Variants in RBFOX1 observed in about 807,000 individuals in gnomAD.
RBFOX1 encodes the protein RNA binding protein fox-1 homolog 1.
Under a neutral mutation model 57.7 loss-of-function variants are expected in RBFOX1, and 8 were observed. The ratio of observed to expected loss-of-function variants is 0.14; its 90% CI spans 0.08 to 0.25. RBFOX1 has a LOEUF of 0.25. Among genes scored for constraint, RBFOX1 ranks in the 10% least tolerant of loss-of-function variants. The probability of loss-of-function intolerance (pLI) is 1.00; values close to 1 mark genes in which losing one functional copy is unlikely to be tolerated. For synonymous variants in RBFOX1, 326 were observed against 222.4 expected (o/e 1.47, Z -4.15); for missense variants, 611 against 548.5 (o/e 1.11, Z -1.14).
At position 7,481,733 on chromosome 16, in the gene RBFOX1, T is replaced by C. The variant is rs115181643; in HGVS notation, c.28-36414T>C. 1.0e-3 allele frequency among the ~76,000 whole-genome samples: 152 copies of C among 152,268 alleles called. 1 individual carries two copies. The highest frequency in any genetic ancestry group is 3.5e-3 in the African/African-American group (145 of 41,554). Reference sequence around the variant, plus strand: ...GACTTAGGATGGGATCATACTGCAATAAACCCATCATAAGTAGAAAACATA... The same window carrying C: ...GACTTAGGATGGGATCATACTGCAACAAACCCATCATAAGTAGAAAACATA... On this transcript the variant is annotated intron_variant, in intron 4 of 15. Transcript: ENST00000550418.
At chr16:5,834,480 C>T (rs1047871630) in intron 3 of RBFOX1, among the ~76,000 whole-genome samples, 2 of 152,126 alleles carry the variant, frequency 1.3e-5, no homozygotes, top group African/African-American at 4.8e-5. Context: ...ATATATACCA[C>T]ATTTTTCTTT....
intron 1 of RBFOX1, among the ~76,000 whole-genome samples, chr16:6,246,451 G>A (rs947517925): frequency 6.6e-6 from 1 of 152,132 alleles, no homozygotes; most frequent in Non-Finnish European, 1.5e-5. Context: ...GCCAGCTCCA[G>A]CATAAAAATT....
At chr16:5,395,808 C>T (rs929740108) in intron 1 of RBFOX1, among the ~76,000 whole-genome samples, 16 of 152,216 alleles carry the variant, frequency 1.1e-4, no homozygotes, top group Non-Finnish European at 1.9e-4. Context: ...GTGGAGTATG[C>T]GGCCATTTGG....
chr16:7,128,592 T>A (rs1450201035), intron 4 of RBFOX1, among the ~76,000 whole-genome samples: 1 of 152,156 alleles, frequency 6.6e-6, no homozygotes, highest in Non-Finnish European at 1.5e-5. Context: ...GCAAAGGTAC[T>A]CAAAGCCTGG....
At chr16:5,673,429 T>A (rs1046090226) in intron 3 of RBFOX1, among the ~76,000 whole-genome samples, 1 of 151,440 alleles carries the variant, frequency 6.6e-6, no homozygotes, top group African/African-American at 2.5e-5. Context: ...TGTCCAGAAC[T>A]ACTTCTGTGG....
At chr16:6,982,820 C>T (rs1043725202) in intron 3 of RBFOX1, among the ~76,000 whole-genome samples, 4 of 151,932 alleles carry the variant, frequency 2.6e-5, no homozygotes, top group Non-Finnish European at 4.4e-5. Flanking sequence ...TGGCGGAGCC[C>T]TGTCTCTACT....
At position 6,547,235 on chromosome 16, in the gene RBFOX1, T is replaced by C. The variant is rs533044051; in HGVS notation, c.-63-107368T>C. ...TCCCTAAAGTGGCATATAGTATCTG[T>C]TTTTTCTTCCTCCTCTTTCTTCCTG... On this transcript the variant is annotated intron_variant, in intron 2 of 15. Coordinates refer to ENST00000550418, the MANE Select transcript of RBFOX1 (RefSeq NM_018723.4). Among the ~76,000 whole-genome samples the C allele has an allele frequency of 2.0e-5, 3 of 152,302 alleles. No homozygotes were observed. In the South Asian group the frequency reaches 6.2e-4, roughly 32 times the overall value.
intron 1 of RBFOX1, among the ~76,000 whole-genome samples, chr16:6,155,145 C>T (rs2096829605): frequency 6.6e-6 from 1 of 152,166 alleles, no homozygotes; most frequent in African/African-American, 2.4e-5. Flanking sequence ...ATCCATTGTA[C>T]ATATTTTAAA....
intron 1 of RBFOX1, among the ~76,000 whole-genome samples, chr16:6,210,187 G>A (rs1055782315): frequency 6.6e-6 from 1 of 151,376 alleles, no homozygotes; most frequent in East Asian, 2.0e-4. Context: ...GCATGGTGGT[G>A]GGCGCCTTTA....
At chr16:5,588,824 G>A (rs1457705401) in intron 2 of RBFOX1, among the ~76,000 whole-genome samples, 1 of 152,228 alleles carries the variant, frequency 6.6e-6, no homozygotes, top group African/African-American at 2.4e-5. Context: ...TCAGGCATTA[G>A]CATTACAGAT....
At chr16:6,003,517 G>C (rs775086515) in intron 4 of RBFOX1, among the ~76,000 whole-genome samples, 3 of 138,146 alleles carry the variant, frequency 2.2e-5, no homozygotes, top group African/African-American at 5.2e-5. Flanking sequence ...GCACAAGGAT[G>C]ACTTCATTGA....
chr16:7,099,317 G>T (rs1025353906), intron 4 of RBFOX1, among the ~76,000 whole-genome samples: 2 of 152,096 alleles, frequency 1.3e-5, no homozygotes, highest in Non-Finnish European at 2.9e-5. Context: ...GTAATTCCTG[G>T]CTGGTGTAAA....
At chr16:5,923,451 G>T (rs2058872044) in intron 4 of RBFOX1, among the ~76,000 whole-genome samples, 3 of 151,654 alleles carry the variant, frequency 2.0e-5, no homozygotes, top group African/African-American at 7.3e-5. Context: ...CATGGGATTG[G>T]AGCAGCTCCC....
chr16:6,926,107 A>ACC (rs1567912504), intron 3 of RBFOX1, among the ~76,000 whole-genome samples: 1 of 151,944 alleles, frequency 6.6e-6, no homozygotes, highest in East Asian at 1.9e-4. Flanking sequence ...GGAGTTCAAG[A>ACC]CCAGCCTGGC....
chr16:5,424,866 CTTTCT>C (rs2067470065), intron 1 of RBFOX1, among the ~76,000 whole-genome samples: 1 of 134,952 alleles, frequency 7.4e-6, no homozygotes, highest in Non-Finnish European at 1.6e-5. Context: ...TCTCTTCTTT[CTTTCT>C]TTTTTTTCTT....
intron 1 of RBFOX1, among the ~76,000 whole-genome samples, chr16:6,103,960 C>T (rs2096346774): frequency 6.6e-6 from 1 of 152,162 alleles, no homozygotes; most frequent in Non-Finnish European, 1.5e-5. Flanking sequence ...GCCATTGGGG[C>T]TCAGCCTCTG....
chr16:5,759,766 G>T (rs2053529828), intron 3 of RBFOX1, among the ~76,000 whole-genome samples: 1 of 150,478 alleles, frequency 6.6e-6, no homozygotes, highest in South Asian at 2.1e-4. Context: ...TGATCTCCCT[G>T]ATCCTGTAAC....
At chr16:7,515,121 TC>T (rs1387701840) in intron 4 of RBFOX1, among the ~76,000 whole-genome samples, 2 of 152,160 alleles carry the variant, frequency 1.3e-5, no homozygotes, top group East Asian at 3.9e-4. Flanking sequence ...ATCAGATGAT[TC>T]CCAAGATCCC....
chr16:6,450,837 GTGTATATATATATATA>G lies in RBFOX1; in HGVS notation c.-64+133782_-64+133797del, dbSNP rs2094598059. 9.7e-4 allele frequency among the ~76,000 whole-genome samples: 21 copies of G among 21,742 alleles called. 3 individuals carry two copies. The highest frequency in any genetic ancestry group is 1.6e-3 in the Non-Finnish European group (19 of 11,518). 14.3% of individuals were successfully genotyped at this position (21,742 alleles called of 152,430 possible). On this transcript the variant is annotated intron_variant, in intron 2 of 15. Transcript: ENST00000550418. Reference sequence around the variant, plus strand: ...TATATACATATATATATATATATATGTGTATATATATATATATATATATATATATATATATATCTCC... The same window carrying G: ...TATATACATATATATATATATATATGTATATATATATATATATATATCTCC...
Sources: gnomAD v4.1 joint callset for allele counts (sites outside exome capture counted in the v4.1 genomes callset) on GRCh38, gnomAD v4.1.1 for gene constraint, MANE v1.5 for transcripts, NCBI Gene and HGNC (gene_info 2026-07-23, HGNC 2026-07-21) for gene names.